Variants in PHACTR1 observed in about 807,000 individuals in gnomAD.
The protein encoded by PHACTR1 is RPEL repeat containing 1.
A neutral mutation model predicts 69.2 loss-of-function variants in PHACTR1; 16 were observed. That is an observed-to-expected ratio of 0.23 (90% CI 0.16 to 0.35). The LOEUF (loss-of-function observed/expected upper bound fraction) is 0.35. PHACTR1 is among the 10% of genes least tolerant of loss of function. PHACTR1 has a pLI of 1.00. For synonymous variants in PHACTR1, 312 were observed against 284.5 expected (o/e 1.10, Z -0.97); for missense variants, 510 against 734.7 (o/e 0.69, Z 3.54).
chr6:12,856,986 T>C (rs1236678063), intron 4 of PHACTR1, among the ~76,000 whole-genome samples: 1 of 152,214 alleles, frequency 6.6e-6, no homozygotes, highest in Non-Finnish European at 1.5e-5. Context: ...CCATTCTCTT[T>C]TGAAACGGGG....
chr6:13,198,672 ATGTTTTAAGAAAGTTTACCATTT>A (rs996071800), intron 7 of PHACTR1, among the ~76,000 whole-genome samples: 1 of 151,754 alleles, frequency 6.6e-6, no homozygotes, highest in African/African-American at 2.4e-5. Flanking sequence ...AAATCCCGTC[ATGTTTTAAGAAAGTTTACCATTT>A]TGTGTCGGGC....
At chr6:13,136,098 C>T (rs1180270543) in intron 5 of PHACTR1, among the ~76,000 whole-genome samples, 1 of 152,094 alleles carries the variant, frequency 6.6e-6, no homozygotes, top group African/African-American at 2.4e-5. Context: ...TTCCAGCTTT[C>T]CATGCTTCTT....
chr6:13,252,457 TA>T (rs1402486204), intron 10 of PHACTR1, among the ~76,000 whole-genome samples: 1 of 152,154 alleles, frequency 6.6e-6, no homozygotes, highest in Non-Finnish European at 1.5e-5. Flanking sequence ...GTTTCCCATA[TA>T]AATAGATCCT....
chr6:13,116,495 A>T (rs985855797), intron 5 of PHACTR1, among the ~76,000 whole-genome samples: 1 of 152,198 alleles, frequency 6.6e-6, no homozygotes, highest in Non-Finnish European at 1.5e-5. Context: ...TTGAAAAACT[A>T]TTGAAGTATT....
intron 5 of PHACTR1, among the ~76,000 whole-genome samples, chr6:13,083,544 C>T (rs925650902): frequency 2.6e-5 from 4 of 151,094 alleles, no homozygotes; most frequent in African/African-American, 9.7e-5. Context: ...GCAGTATGGC[C>T]ATTTTCACGA....
chr6:13,096,399 G>A (rs561042335), intron 5 of PHACTR1, among the ~76,000 whole-genome samples: 6 of 152,232 alleles, frequency 3.9e-5, no homozygotes, highest in African/African-American at 1.4e-4. Context: ...ATTAGAAATC[G>A]TTGGGCAGCC....
chr6:12,753,692 G>C (rs1432601808), intron 4 of PHACTR1, among the ~76,000 whole-genome samples: 1 of 152,118 alleles, frequency 6.6e-6, no homozygotes, highest in Non-Finnish European at 1.5e-5. Context: ...ACCAAGGATA[G>C]CTGTTTCTGG....
At chr6:13,213,488 C>T (rs1424135038) in intron 8 of PHACTR1, among the ~76,000 whole-genome samples, 6 of 152,198 alleles carry the variant, frequency 3.9e-5, no homozygotes, top group Non-Finnish European at 8.8e-5. Flanking sequence ...ATGTGTTTCT[C>T]TGTATATTCT....
Position 12,718,709 on chromosome 6 carries a change from G to A in PHACTR1, c.-36G>A. Reference sequence around the variant, plus strand: ...TTTTCCTCTTTATAGGTGTTCCAGTGTTTTCTCTCAAAACTCTGTGTTTGG... The same window carrying A: ...TTTTCCTCTTTATAGGTGTTCCAGTATTTTCTCTCAAAACTCTGTGTTTGG... On this transcript the variant is annotated 5_prime_UTR_variant, in exon 3 of 15. Coordinates refer to ENST00000332995, the MANE Select transcript of PHACTR1 (RefSeq NM_030948.6). 8.0e-7 allele frequency: 1 copy of A among 1,248,220 alleles called. No homozygotes were observed. The highest frequency in any genetic ancestry group is 1.5e-5 in the South Asian group (1 of 68,002). 77.3% of individuals were successfully genotyped at this position (1,248,220 alleles called of 1,614,324 possible). A position where few individuals can be genotyped will look rare whatever the true frequency, so the allele number is the denominator to read the frequency against.
intron 5 of PHACTR1, among the ~76,000 whole-genome samples, chr6:13,154,668 G>T (rs9395482): frequency 1.3e-5 from 2 of 151,528 alleles, no homozygotes; most frequent in African/African-American, 2.4e-5. Context: ...ACCTCCCAAA[G>T]ACCAAATACT....
intron 5 of PHACTR1, among the ~76,000 whole-genome samples, chr6:13,125,256 A>G (rs1819358818): frequency 6.6e-6 from 1 of 152,204 alleles, no homozygotes; most frequent in Non-Finnish European, 1.5e-5. Flanking sequence ...TGGCAGTCTT[A>G]GATGGTTTTA....
At chr6:13,054,853 G>A (rs1035354269) in intron 5 of PHACTR1, among the ~76,000 whole-genome samples, 8 of 152,102 alleles carry the variant, frequency 5.3e-5, no homozygotes, top group African/African-American at 1.2e-4. Flanking sequence ...CATTGCCAGG[G>A]CTACCCCAAG....
chr6:12,759,218 T>C (rs1767745978), intron 4 of PHACTR1, among the ~76,000 whole-genome samples: 2 of 151,736 alleles, frequency 1.3e-5, no homozygotes, highest in Non-Finnish European at 2.9e-5. Flanking sequence ...TTTATTATAA[T>C]TGAAATAAAA....
chr6:13,282,250 A>G (rs1464497349), intron 12 of PHACTR1, among the ~76,000 whole-genome samples: 13 of 152,226 alleles, frequency 8.5e-5, no homozygotes, highest in South Asian at 6.2e-4. Flanking sequence ...CTGCTTTTAA[A>G]TAGCATTGAT....
intron 5 of PHACTR1, among the ~76,000 whole-genome samples, chr6:13,066,282 G>C (rs568164380): frequency 6.6e-6 from 1 of 152,200 alleles, no homozygotes; most frequent in Non-Finnish European, 1.5e-5. Flanking sequence ...ATCTGGCACA[G>C]AATAGGTACC....
At chr6:13,022,864 A>G (rs1801170341) in intron 4 of PHACTR1, among the ~76,000 whole-genome samples, 1 of 151,942 alleles carries the variant, frequency 6.6e-6, no homozygotes. Flanking sequence ...AAAAAGTACT[A>G]AAATTAGCCA....
chr6:12,718,847 G>A lies in PHACTR1; in HGVS notation c.103G>A (p.Ala35Thr). The A allele has an allele frequency of 6.5e-7, 1 of 1,529,242 alleles. No individual in the cohort carries two copies. Among genetic ancestry groups the A allele is most frequent in the Non-Finnish European group, 8.9e-7 (1 of 1,128,294 alleles). 94.7% of individuals were successfully genotyped at this position (1,529,242 alleles called of 1,614,324 possible). A position where few individuals can be genotyped will look rare whatever the true frequency, so the allele number is the denominator to read the frequency against. ...QRFFYSQGAQ[A>T]RRATLLLPPT... ...ATTCTTCTACAGTCAAGGAGCTCAA[G>A]GTAATAAAATAAGAAAAAGAAATTC... Residue 35 changes from alanine (A) to threonine (T), a missense_variant and splice_region_variant, in exon 3 of 15, where the codon GCT becomes ACT. Transcript: ENST00000332995.
At chr6:13,166,838 T>C (rs1421148670) in intron 6 of PHACTR1, among the ~76,000 whole-genome samples, 1 of 152,188 alleles carries the variant, frequency 6.6e-6, no homozygotes, top group Non-Finnish European at 1.5e-5. Context: ...GTGAAACCCA[T>C]GTATACAGAA....
intron 10 of PHACTR1, among the ~76,000 whole-genome samples, chr6:13,239,152 G>A (rs1487308554): frequency 6.6e-6 from 1 of 152,166 alleles, no homozygotes; most frequent in East Asian, 1.9e-4. Context: ...GGTGGGGGTG[G>A]CTCAGGCCAG....
Sources: gnomAD v4.1 joint callset for allele counts (sites outside exome capture counted in the v4.1 genomes callset) on GRCh38, gnomAD v4.1.1 for gene constraint, MANE v1.5 for transcripts, NCBI Gene and HGNC (gene_info 2026-07-23, HGNC 2026-07-21) for gene names.